CNTNAP2: variants seen among roughly 807,000 people sequenced by gnomAD.
CNTNAP2 encodes the protein contactin-associated protein-like 2.
A neutral mutation model predicts 155.2 loss-of-function variants in CNTNAP2; 98 were observed. That is an observed-to-expected ratio of 0.63 (90% CI 0.54 to 0.75). The LOEUF is 0.75. Among genes scored for constraint, CNTNAP2 ranks in the 30% least tolerant of loss-of-function variants. CNTNAP2 has a pLI of 0.00. For synonymous variants in CNTNAP2, 651 were observed against 631.2 expected, an observed-to-expected ratio of 1.03 and a Z score of -0.47; for missense variants, 1,727 against 1,688.1, an observed-to-expected ratio of 1.02 and a Z score of -0.40.
chr7:146,614,052 A>G (rs1328525292), intron 1 of CNTNAP2, among the ~76,000 whole-genome samples: 2 of 152,180 alleles, frequency 1.3e-5, no homozygotes, highest in African/African-American at 4.8e-5. Flanking sequence ...GGTTACTACT[A>G]TCTCTTTGAT....
intron 14 of CNTNAP2, among the ~76,000 whole-genome samples, chr7:147,908,174 C>T (rs1800000421): frequency 6.6e-6 from 1 of 152,130 alleles, no homozygotes; most frequent in Admixed American, 6.5e-5. Flanking sequence ...GTGTCGTAGG[C>T]CTCAAGTCTA....
chr7:148,332,547 T>C (rs1023130475), intron 21 of CNTNAP2, among the ~76,000 whole-genome samples: 1 of 152,200 alleles, frequency 6.6e-6, no homozygotes, highest in African/African-American at 2.4e-5. Flanking sequence ...TCCCACCATG[T>C]TTATGCATGG....
intron 2 of CNTNAP2, among the ~76,000 whole-genome samples, chr7:146,814,668 C>A (rs1353634791): frequency 6.6e-6 from 1 of 151,846 alleles, no homozygotes; most frequent in Non-Finnish European, 1.5e-5. Flanking sequence ...TTCTGAAAAC[C>A]CAGTAAGTTA....
chr7:147,054,908 C>A (rs1192884871), intron 4 of CNTNAP2, among the ~76,000 whole-genome samples: 1 of 152,046 alleles, frequency 6.6e-6, no homozygotes, highest in African/African-American at 2.4e-5. Flanking sequence ...ATTTTCTATG[C>A]TTCTAAATGA....
At chr7:148,013,773 A>T (rs1802124229) in intron 15 of CNTNAP2, among the ~76,000 whole-genome samples, 1 of 152,166 alleles carries the variant, frequency 6.6e-6, no homozygotes, top group African/African-American at 2.4e-5. Context: ...CCTGATGTGG[A>T]CAGCAAATAA....
intron 10 of CNTNAP2, among the ~76,000 whole-genome samples, chr7:147,423,215 A>C (rs1311059383): frequency 6.6e-6 from 1 of 152,166 alleles, no homozygotes; most frequent in African/African-American, 2.4e-5. Flanking sequence ...CTAATTCCCT[A>C]AATTAGGTTC....
At chr7:148,406,195 G>A (rs1799701115) in intron 22 of CNTNAP2, among the ~76,000 whole-genome samples, 1 of 151,672 alleles carries the variant, frequency 6.6e-6, no homozygotes, top group African/African-American at 2.4e-5. Flanking sequence ...TCGCGCCACT[G>A]CACTCCAACC....
chr7:147,224,061 G>T (rs1336501128), intron 8 of CNTNAP2, among the ~76,000 whole-genome samples: 4 of 150,868 alleles, frequency 2.7e-5, no homozygotes, highest in South Asian at 2.1e-4. Flanking sequence ...GCCAGCGCTT[G>T]TTCCCATAGA....
intron 13 of CNTNAP2, among the ~76,000 whole-genome samples, chr7:147,901,258 C>T (rs770640286): frequency 6.6e-6 from 1 of 152,186 alleles, no homozygotes; most frequent in Non-Finnish European, 1.5e-5. Flanking sequence ...TTGCAGAAAT[C>T]TATCTTTCAT....
At chr7:146,991,132 A>G (rs1798201054) in intron 3 of CNTNAP2, among the ~76,000 whole-genome samples, 1 of 152,166 alleles carries the variant, frequency 6.6e-6, no homozygotes, top group Non-Finnish European at 1.5e-5. Context: ...ATGCATTCAG[A>G]AAAAAAGAAA....
At chr7:147,362,996 A>C (rs559134039) in intron 9 of CNTNAP2, among the ~76,000 whole-genome samples, 4 of 152,304 alleles carry the variant, frequency 2.6e-5, no homozygotes, top group Admixed American at 2.6e-4. Flanking sequence ...ACTGAATCAG[A>C]TTTATACTGA....
At chr7:148,373,144 C>A (rs949686807) in intron 21 of CNTNAP2, among the ~76,000 whole-genome samples, 5 of 152,014 alleles carry the variant, frequency 3.3e-5, no homozygotes, top group African/African-American at 9.7e-5. Context: ...GTACAATTAC[C>A]CTTTTTAAAA....
At chr7:147,516,527 C>T (rs1392256863) in intron 11 of CNTNAP2, among the ~76,000 whole-genome samples, 1 of 152,056 alleles carries the variant, frequency 6.6e-6, no homozygotes, top group African/African-American at 2.4e-5. Flanking sequence ...AGCAATACTG[C>T]TGAAGTACGT....
At chr7:146,428,307 T>G (rs1288901697) in intron 1 of CNTNAP2, among the ~76,000 whole-genome samples, 1 of 152,194 alleles carries the variant, frequency 6.6e-6, no homozygotes, top group African/African-American at 2.4e-5. Flanking sequence ...TCTAGGTATT[T>G]GAAGAAACAC....
At position 146,405,043 on chromosome 7, in the gene CNTNAP2, G is replaced by A. The variant is rs1000833585; in HGVS notation, c.97+288070G>A. Among the ~76,000 whole-genome samples the A allele has an allele frequency of 5.3e-5, 8 of 152,050 alleles. 1 individual carries two copies. Among genetic ancestry groups the A allele is most frequent in the Non-Finnish European group, 1.0e-4 (7 of 68,000 alleles). On this transcript the variant is annotated intron_variant, in intron 1 of 23. Coordinates refer to ENST00000361727, the MANE Select transcript of CNTNAP2 (RefSeq NM_014141.6). ...GGGCTTGGCACATGATCAAATTTTA[G>A]CCAGCAGAGACTTCCCTCAAGATAT...
intron 3 of CNTNAP2, among the ~76,000 whole-genome samples, chr7:147,042,959 G>A (rs185770566): frequency 6.6e-6 from 1 of 152,066 alleles, no homozygotes; most frequent in African/African-American, 2.4e-5. Context: ...GGGACATTTA[G>A]AATGCATATA....
intron 1 of CNTNAP2, among the ~76,000 whole-genome samples, chr7:146,644,377 T>G (rs1215302625): frequency 6.6e-6 from 1 of 152,156 alleles, no homozygotes; most frequent in African/African-American, 2.4e-5. Flanking sequence ...GTTGTTGAAT[T>G]TTGTCAAAGG....
At chr7:148,013,209 G>T (rs746035600) in intron 15 of CNTNAP2, 21 of 152,296 alleles carry the variant, frequency 1.4e-4, no homozygotes, top group Admixed American at 2.6e-4. Flanking sequence ...AGGTAAGAAG[G>T]TATTGTTCCA....
At chr7:147,195,256 C>T (rs1233097235) in intron 8 of CNTNAP2, among the ~76,000 whole-genome samples, 1 of 152,096 alleles carries the variant, frequency 6.6e-6, no homozygotes, top group Non-Finnish European at 1.5e-5. Context: ...TTTCTAAGGT[C>T]TCTATTCTGC....
Sources: gnomAD v4.1 joint callset for allele counts (sites outside exome capture counted in the v4.1 genomes callset) on GRCh38, gnomAD v4.1.1 for gene constraint, MANE v1.5 for transcripts, NCBI Gene and HGNC (gene_info 2026-07-23, HGNC 2026-07-21) for gene names.